UNC79: variants seen among roughly 807,000 people sequenced by gnomAD.
UNC79 encodes protein unc-79 homolog.
UNC79 carries 37 observed loss-of-function variants against 283.1 expected under a neutral mutation model. The ratio of observed to expected loss-of-function variants is 0.13; its 90% confidence interval spans 0.10 to 0.17. UNC79 has a LOEUF of 0.17. UNC79 is among the 10% of genes least tolerant of loss of function. UNC79 has a pLI of 1.00. For missense variants in UNC79, 2,272 were observed against 3,211.1 expected (o/e 0.71, Z 7.07); for synonymous variants, 1,107 against 1,200.2 (o/e 0.92, Z 1.61).
At chr14:93,363,419 T>C (rs529365933) in intron 1 of UNC79, among the ~76,000 whole-genome samples, 21 of 152,348 alleles carry the variant, frequency 1.4e-4, no homozygotes, top group Non-Finnish European at 2.9e-4. Context: ...CATGTGCCTC[T>C]GGGAAGAATG....
chr14:93,566,057 G>A (rs1373176709), intron 14 of UNC79, among the ~76,000 whole-genome samples: 3 of 152,142 alleles, frequency 2.0e-5, no homozygotes, highest in African/African-American at 7.2e-5. Flanking sequence ...AGGAGTCTTG[G>A]GGAGGCTGGA....
intron 5 of UNC79, among the ~76,000 whole-genome samples, chr14:93,494,009 T>C (rs1198618214): frequency 6.7e-6 from 1 of 148,786 alleles, no homozygotes; most frequent in Non-Finnish European, 1.5e-5. Flanking sequence ...GTTCAAGCAA[T>C]TCTCCTGCCT....
At chr14:93,473,594 CAT>C (rs1262557802) in intron 2 of UNC79, among the ~76,000 whole-genome samples, 5 of 152,192 alleles carry the variant, frequency 3.3e-5, no homozygotes, top group South Asian at 2.1e-4. Context: ...AATAAACACA[CAT>C]GTTTATTCTT....
intron 1 of UNC79, among the ~76,000 whole-genome samples, chr14:93,437,674 C>T (rs1337015315): frequency 6.6e-6 from 1 of 152,158 alleles, no homozygotes; most frequent in Non-Finnish European, 1.5e-5. Context: ...GCTCTCTCTG[C>T]AGGCTCTAGG....
intron 5 of UNC79, among the ~76,000 whole-genome samples, chr14:93,495,274 A>G (rs1309751180): frequency 1.3e-5 from 2 of 152,232 alleles, no homozygotes; most frequent in African/African-American, 4.8e-5. Context: ...CAGGAAACTT[A>G]TAATCATGGT....
chr14:93,553,446 G>A (rs915129414), intron 14 of UNC79, among the ~76,000 whole-genome samples: 8 of 152,174 alleles, frequency 5.3e-5, no homozygotes, highest in Non-Finnish European at 8.8e-5. Flanking sequence ...TAATGGCTCA[G>A]TCTCCAGGTT....
chr14:93,647,758 G>A (rs1397858403), intron 35 of UNC79, among the ~76,000 whole-genome samples: 2 of 152,158 alleles, frequency 1.3e-5, no homozygotes, highest in Non-Finnish European at 2.9e-5. Flanking sequence ...CTTTCACACT[G>A]CTGATAATGA....
intron 1 of UNC79, among the ~76,000 whole-genome samples, chr14:93,370,739 T>C (rs1432720639): frequency 6.6e-6 from 1 of 151,826 alleles, no homozygotes; most frequent in Non-Finnish European, 1.5e-5. Flanking sequence ...ACCATTGCAC[T>C]CCGGCCTGGG....
chr14:93,454,472 TG>T (rs1365972151), intron 1 of UNC79, among the ~76,000 whole-genome samples: 3 of 152,080 alleles, frequency 2.0e-5, no homozygotes, highest in Non-Finnish European at 4.4e-5. Flanking sequence ...AAATGTGCAG[TG>T]GGGGTCACAG....
At chr14:93,628,644 C>A (rs1219833502) in intron 30 of UNC79, among the ~76,000 whole-genome samples, 2 of 152,180 alleles carry the variant, frequency 1.3e-5, no homozygotes, top group African/African-American at 4.8e-5. Context: ...AGAGAGCTGG[C>A]AAATGTCTGA....
rs748663791 is a variant in UNC79, at chr14:93,586,692, C to T, written c.2883+17C>T. On this transcript the variant is annotated intron_variant, in intron 21 of 48. Coordinates refer to ENST00000555664, the Ensembl canonical transcript of UNC79. The stretch of plus-strand genomic sequence containing the variant: ...ATTTTCCAGGTATATTTTCTGATGT[C>T]TTTGAATACTTGGCTTGGTAGCATT... 8 of 1,613,092 alleles carry T rather than the reference C, an allele frequency of 5.0e-6. No homozygotes were observed. The highest frequency in any genetic ancestry group is 6.8e-6 in the Non-Finnish European group (8 of 1,179,678).
At chr14:93,396,950 T>C (rs974977536) in intron 1 of UNC79, among the ~76,000 whole-genome samples, 2 of 152,070 alleles carry the variant, frequency 1.3e-5, no homozygotes, top group African/African-American at 2.4e-5. Context: ...CACCACTGAG[T>C]ATGGGCACAG....
intron 35 of UNC79, among the ~76,000 whole-genome samples, chr14:93,648,345 T>C (rs1471749775): frequency 1.3e-5 from 2 of 152,108 alleles, no homozygotes; most frequent in Non-Finnish European, 2.9e-5. Context: ...AAATAGGTTA[T>C]GGGGAAGGGG....
intron 9 of UNC79, among the ~76,000 whole-genome samples, 154 bp downstream of exon 9, chr14:93,528,800 C>G (rs992690314): frequency 7.2e-5 from 11 of 152,196 alleles, no homozygotes; most frequent in Admixed American, 5.2e-4. Context: ...ATATAGCAAA[C>G]TTTCACTGGG....
chr14:93,602,669 T>C (rs1566752190), intron 25 of UNC79, among the ~76,000 whole-genome samples: 1 of 152,190 alleles, frequency 6.6e-6, no homozygotes, highest in Non-Finnish European at 1.5e-5. Flanking sequence ...GGGAATTGCA[T>C]TGAATCTGCT....
At chr14:93,670,528 A>G (rs1296049994) in intron 40 of UNC79, among the ~76,000 whole-genome samples, 1 of 152,248 alleles carries the variant, frequency 6.6e-6, no homozygotes, top group African/African-American at 2.4e-5. Flanking sequence ...CGCAAGGCAC[A>G]TGGGAAGGGG....
At chr14:93,336,382 C>G (rs886960877) in intron 1 of UNC79, among the ~76,000 whole-genome samples, 1 of 152,002 alleles carries the variant, frequency 6.6e-6, no homozygotes, top group Admixed American at 6.5e-5. Flanking sequence ...TGCTCTGTCA[C>G]CCAGGCTGGA....
chr14:93,665,839 A>G (rs2072138304), intron 40 of UNC79, among the ~76,000 whole-genome samples: 1 of 152,086 alleles, frequency 6.6e-6, no homozygotes, highest in African/African-American at 2.4e-5. Flanking sequence ...GAAGGCTTCT[A>G]ATAGATTCTT....
chr14:93,359,981 A>G (rs1187370705), intron 1 of UNC79, among the ~76,000 whole-genome samples: 3 of 152,204 alleles, frequency 2.0e-5, no homozygotes, highest in Non-Finnish European at 4.4e-5. Context: ...ATCTGAGCTG[A>G]TGTTGATTCC....
Sources: gnomAD v4.1 joint callset for allele counts (sites outside exome capture counted in the v4.1 genomes callset) on GRCh38, gnomAD v4.1.1 for gene constraint, MANE v1.5 for transcripts, NCBI Gene and HGNC (gene_info 2026-07-23, HGNC 2026-07-21) for gene names.